PALD1: variants seen among roughly 807,000 people sequenced by gnomAD.
PALD1 encodes the protein phosphatase domain containing paladin 1.
In PALD1, 57 loss-of-function variants were observed where a neutral mutation model predicts 96.0. That is an observed-to-expected ratio of 0.59 (90% confidence interval 0.48 to 0.74). PALD1 has a LOEUF of 0.74. Among genes scored for constraint, PALD1 ranks in the 30% least tolerant of loss-of-function variants. The probability of loss-of-function intolerance (pLI) is 0.00; values close to 1 mark genes in which losing one functional copy is unlikely to be tolerated. For synonymous variants in PALD1, 464 were observed against 473.6 expected (o/e 0.98, Z 0.26); for missense variants, 1,063 against 1,143.7 (o/e 0.93, Z 1.02).
chr10:70,493,686 G>A (rs988237179), intron 1 of PALD1, among the ~76,000 whole-genome samples: 3 of 152,300 alleles, frequency 2.0e-5, no homozygotes, highest in Middle Eastern at 3.4e-3. Flanking sequence ...AAAGCTGTCC[G>A]TGGTTTCTCT....
At chr10:70,557,648 G>A (rs972817122) in intron 18 of PALD1, among the ~76,000 whole-genome samples, 7 of 152,164 alleles carry the variant, frequency 4.6e-5, no homozygotes, top group Non-Finnish European at 7.3e-5. Flanking sequence ...GCAGGGACTC[G>A]GTGGGGACCC....
chr10:70,492,290 A>G (rs1846111583), intron 1 of PALD1, among the ~76,000 whole-genome samples: 1 of 152,016 alleles, frequency 6.6e-6, no homozygotes, highest in Non-Finnish European at 1.5e-5. Flanking sequence ...TCAACTTTAC[A>G]ATGGGTTTAT....
intron 5 of PALD1, among the ~76,000 whole-genome samples, chr10:70,531,798 G>A (rs1227077343): frequency 2.6e-5 from 4 of 151,928 alleles, no homozygotes; most frequent in South Asian, 4.2e-4. Context: ...CCTGACCAAC[G>A]TGGTGAAACT....
rs149538115 is a variant in PALD1 at position 70,534,827 on chromosome 10, C to G, written c.1211C>G (p.Pro404Arg). The G allele has an allele frequency of 6.2e-7, 1 of 1,610,272 alleles. No individual in the cohort carries two copies. Among genetic ancestry groups the G allele is most frequent in the African/African-American group, 1.3e-5 (1 of 74,884 alleles). ...ENQKKLEGIR[P>R]ESPAQGSGSR... The stretch of plus-strand genomic sequence containing the variant: ...CAGAAGAAGTTAGAAGGTATCCGAC[C>G]GGAGAGCCCAGCCCAGGTGAGGCAT... Residue 404 changes from proline to arginine, a missense_variant, in exon 10 of 20, where the codon CCG becomes CGG. Pro to Arg is a moderately radical substitution (Grantham distance 103, BLOSUM62 -2). Coordinates refer to ENST00000263563, the MANE Select transcript of PALD1 (RefSeq NM_014431.3).
rs548652971 is a variant in PALD1, at chr10:70,539,577, C to T, written c.1726-3C>T. The T allele has an allele frequency of 6.2e-7, 1 of 1,605,154 alleles. No individual in the cohort carries two copies. The highest frequency in any genetic ancestry group is 8.5e-7 in the Non-Finnish European group (1 of 1,174,692). ...CTGTGTCCTCCCTCCTGCCCTTGCCCAGACCCTGGAGGCCCAGCTGAAGGC... is the reference window on the plus strand; with the variant it reads ...CTGTGTCCTCCCTCCTGCCCTTGCCTAGACCCTGGAGGCCCAGCTGAAGGC... On this transcript the variant is annotated splice_region_variant and splice_polypyrimidine_tract_variant and intron_variant, in intron 14 of 19. Coordinates refer to ENST00000263563, the MANE Select transcript of PALD1 (RefSeq NM_014431.3). The surrounding 1 kb of genome is among the most constrained non-coding windows in gnomAD (Gnocchi z 4.5).
chr10:70,501,835 G>GTA (rs1846302732), intron 1 of PALD1, among the ~76,000 whole-genome samples: 1 of 102,514 alleles, frequency 9.8e-6, no homozygotes, highest in African/African-American at 3.0e-5. Context: ...GTGTGTGTGT[G>GTA]CGTGCGTGCA....
At chr10:70,465,119 C>A in the PALD1 span, among the ~76,000 whole-genome samples, 1 of 151,988 alleles carries the variant, frequency 6.6e-6, no homozygotes, top group Non-Finnish European at 1.5e-5. Context: ...GGACTACAGG[C>A]ACCCACCACT....
chr10:70,467,934 C>T, the PALD1 span, among the ~76,000 whole-genome samples: 1 of 152,066 alleles, frequency 6.6e-6, no homozygotes, highest in Non-Finnish European at 1.5e-5. Context: ...CTGAAGTTCG[C>T]CACCTGCCAC....
At chr10:70,531,872 A>T (rs769198159) in intron 5 of PALD1, among the ~76,000 whole-genome samples, 14 of 151,632 alleles carry the variant, frequency 9.2e-5, no homozygotes, top group Admixed American at 2.0e-4. Context: ...AATCCTAGCT[A>T]CTCGGGAGGC....
chr10:70,543,226 G>C (rs1564705630), intron 17 of PALD1, among the ~76,000 whole-genome samples: 1 of 152,038 alleles, frequency 6.6e-6, no homozygotes, highest in Non-Finnish European at 1.5e-5. Flanking sequence ...CAAGTCCTTT[G>C]TCCATTTTTG....
chr10:70,520,685 CTTTTTTTTTT>C (rs10545684), intron 1 of PALD1, among the ~76,000 whole-genome samples: 2 of 87,682 alleles, frequency 2.3e-5, no homozygotes, highest in South Asian at 1.1e-3. Context: ...TTCTTTCTTT[CTTTTTTTTTT>C]TTTTTTTTTT....
chr10:70,499,928 T>C (rs936784668), intron 1 of PALD1, among the ~76,000 whole-genome samples: 2 of 152,242 alleles, frequency 1.3e-5, no homozygotes, highest in Non-Finnish European at 2.9e-5. Context: ...AGAAATGATA[T>C]GGCAGTGACT....
intron 1 of PALD1, among the ~76,000 whole-genome samples, chr10:70,507,748 TGC>T (rs1189099766): frequency 5.1e-5 from 4 of 78,668 alleles, no homozygotes; most frequent in Non-Finnish European, 8.0e-5. Context: ...GTTTTGTGTG[TGC>T]GTGTGTGTGT....
upstream of PALD1, among the ~76,000 whole-genome samples, chr10:70,477,591 A>C (rs775270823): frequency 6.6e-6 from 1 of 152,218 alleles, no homozygotes; most frequent in Non-Finnish European, 1.5e-5. Flanking sequence ...TACCGACCTT[A>C]TAACTTCGCG....
In PALD1 at chr10:70,486,518, T is replaced by A. The variant is rs542879134; in HGVS notation, c.-30+7459T>A. The stretch of plus-strand genomic sequence containing the variant: ...GCTCACACCTGTAATCCCAGCACTT[T>A]GGGAGGCCGGGGCAGGCGGATCACT... On this transcript the variant is annotated intron_variant, in intron 1 of 19. Transcript: ENST00000263563. Among the ~76,000 whole-genome samples, 44 of 152,238 alleles carry A rather than the reference T, an allele frequency of 2.9e-4. No homozygotes were observed. The East Asian group carries it at 7.3e-3, about 25-fold the overall frequency.
intron 18 of PALD1, among the ~76,000 whole-genome samples, chr10:70,548,652 C>T (rs1847417022): frequency 6.6e-6 from 1 of 152,216 alleles, no homozygotes; most frequent in South Asian, 2.1e-4. Context: ...ATGTGTTCCC[C>T]ACTGCTGGCC....
intron 1 of PALD1, among the ~76,000 whole-genome samples, chr10:70,499,544 G>C (rs1846256201): frequency 6.6e-6 from 1 of 152,240 alleles, no homozygotes; most frequent in Non-Finnish European, 1.5e-5. Context: ...TGAAAAAACA[G>C]CTACCAGGAC....
At chr10:70,496,324 T>TG (rs113574975) in intron 1 of PALD1, among the ~76,000 whole-genome samples, 11,405 of 152,214 alleles carry the variant, frequency 0.075, 576 homozygotes, top group South Asian at 0.16. Flanking sequence ...CTTGATGAAT[T>TG]GCTACGGTTG....
At chr10:70,505,113 C>T (rs776717348) in intron 1 of PALD1, among the ~76,000 whole-genome samples, 3 of 152,242 alleles carry the variant, frequency 2.0e-5, no homozygotes, top group Non-Finnish European at 4.4e-5. Context: ...ACATCTGTTA[C>T]TATCGTCACA....
Sources: allele counts gnomAD v4.1 joint callset (sites outside exome capture counted in the v4.1 genomes callset), GRCh38; gene constraint gnomAD v4.1.1; non-coding constraint Gnocchi (gnomAD v3.1); transcripts MANE v1.5; gene names NCBI Gene and HGNC (gene_info 2026-07-23, HGNC 2026-07-21).